GPHN: variants seen among roughly 807,000 people sequenced by gnomAD.
The protein encoded by GPHN is gephyrin.
Under a neutral mutation model 95.5 loss-of-function variants are expected in GPHN, and 17 were observed. The observed-to-expected ratio is 0.18, with a 90% CI of 0.12 to 0.27. The LOEUF is 0.27. GPHN is among the 10% of genes least tolerant of loss of function. The pLI is 1.00. For missense variants in GPHN, 660 were observed against 978.1 expected, an observed-to-expected ratio of 0.67 and a Z score of 4.34; for synonymous variants, 320 against 322.5, an observed-to-expected ratio of 0.99 and a Z score of 0.08.
the GPHN span, among the ~76,000 whole-genome samples, chr14:67,584,484 G>A: frequency 6.6e-6 from 1 of 152,186 alleles, no homozygotes; most frequent in African/African-American, 2.4e-5. Context: ...TGGCATACAG[G>A]GGAATCAAAT....
the GPHN span, among the ~76,000 whole-genome samples, chr14:67,379,808 C>T: frequency 2.0e-5 from 3 of 150,770 alleles, no homozygotes; most frequent in Non-Finnish European, 4.4e-5. Context: ...GCGCCCGCCA[C>T]TACGCCCGGC....
At chr14:66,806,628 T>G (rs1404452862) in intron 3 of GPHN, among the ~76,000 whole-genome samples, 1 of 152,174 alleles carries the variant, frequency 6.6e-6, no homozygotes, top group African/African-American at 2.4e-5. Flanking sequence ...ATCATCTCTC[T>G]CAAGTTCAAA....
chr14:67,281,785 A>T, the GPHN span, among the ~76,000 whole-genome samples: 2 of 151,462 alleles, frequency 1.3e-5, no homozygotes, highest in East Asian at 3.9e-4. Context: ...GCCTAAGCAC[A>T]CAAAATTGGA....
the GPHN span, chr14:67,571,871 C>A: frequency 6.2e-7 from 1 of 1,612,910 alleles, no homozygotes; most frequent in Non-Finnish European, 8.5e-7. Flanking sequence ...GGAAGACCAG[C>A]GGACTAGGCA....
chr14:67,085,624 T>A (rs879458257), intron 11 of GPHN, among the ~76,000 whole-genome samples: 1 of 152,226 alleles, frequency 6.6e-6, no homozygotes, highest in African/African-American at 2.4e-5. Flanking sequence ...GGTGTAAAAG[T>A]GACTATACTA....
At chr14:67,056,898 G>A (rs1001994301) in intron 10 of GPHN, among the ~76,000 whole-genome samples, 7 of 152,196 alleles carry the variant, frequency 4.6e-5, no homozygotes, top group South Asian at 2.1e-4. Context: ...GAATTCGAGC[G>A]GGCGCTCGCG....
the GPHN span, among the ~76,000 whole-genome samples, chr14:67,331,882 G>A: frequency 6.6e-6 from 1 of 151,182 alleles, no homozygotes; most frequent in East Asian, 2.0e-4. Flanking sequence ...TAGATTCCCT[G>A]CTGGGAACAA....
At chr14:66,566,331 T>G (rs1156657728) in intron 1 of GPHN, among the ~76,000 whole-genome samples, 1 of 152,164 alleles carries the variant, frequency 6.6e-6, no homozygotes, top group Admixed American at 6.6e-5. Flanking sequence ...GATGTTTCCT[T>G]TAATCAAATA....
chr14:67,232,216 C>T, the GPHN span, among the ~76,000 whole-genome samples: 1 of 152,122 alleles, frequency 6.6e-6, no homozygotes, highest in African/African-American at 2.4e-5. Flanking sequence ...GTCTTTGTTG[C>T]TCCCTCTCTT....
chr14:67,207,173 T>C, the GPHN span, among the ~76,000 whole-genome samples: 5 of 152,104 alleles, frequency 3.3e-5, no homozygotes, highest in Admixed American at 3.3e-4. Context: ...TAAAGAAATA[T>C]CTGAGGCTGG....
At chr14:66,620,121 G>A (rs1255788887) in intron 1 of GPHN, among the ~76,000 whole-genome samples, 1 of 152,086 alleles carries the variant, frequency 6.6e-6, no homozygotes, top group Non-Finnish European at 1.5e-5. Flanking sequence ...AATGGTTCTC[G>A]GTTGTTGTTC....
At chr14:66,606,579 T>G (rs1304503525) in intron 1 of GPHN, among the ~76,000 whole-genome samples, 1 of 152,242 alleles carries the variant, frequency 6.6e-6, no homozygotes, top group African/African-American at 2.4e-5. Context: ...ATGGCCATTT[T>G]AACAATATTG....
intron 8 of GPHN, among the ~76,000 whole-genome samples, chr14:66,943,764 G>C (rs1285856414): frequency 6.6e-6 from 1 of 152,010 alleles, no homozygotes; most frequent in Non-Finnish European, 1.5e-5. Flanking sequence ...TAACTAAACA[G>C]ACAGGCAAAA....
intron 4 of GPHN, among the ~76,000 whole-genome samples, chr14:66,851,427 A>T (rs984871119): frequency 6.6e-6 from 1 of 152,054 alleles, no homozygotes; most frequent in African/African-American, 2.4e-5. Flanking sequence ...CGAACTTTGT[A>T]TAAGTGGAAC....
intron 1 of GPHN, among the ~76,000 whole-genome samples, chr14:66,622,588 A>G (rs2063353797): frequency 6.6e-6 from 1 of 152,178 alleles, no homozygotes; most frequent in South Asian, 2.1e-4. Context: ...TGCCTTTAAC[A>G]GCACCCAAGT....
At chr14:66,612,223 TC>T (rs1221806549) in intron 1 of GPHN, among the ~76,000 whole-genome samples, 7 of 152,030 alleles carry the variant, frequency 4.6e-5, no homozygotes, top group African/African-American at 7.2e-5. Context: ...CACTTGTTTT[TC>T]TTTGCTTTTA....
At chr14:67,546,548 G>A in the GPHN span, among the ~76,000 whole-genome samples, 1 of 152,024 alleles carries the variant, frequency 6.6e-6, no homozygotes. Context: ...GCGCCACCAC[G>A]CCCAGCTAAT....
At chr14:67,724,126 G>A in the GPHN span, among the ~76,000 whole-genome samples, 4 of 152,236 alleles carry the variant, frequency 2.6e-5, no homozygotes, top group African/African-American at 9.6e-5. Context: ...ATGTAGGTTA[G>A]AGGGGAAAGC....
At chr14:66,605,875 G>A (rs901344341) in intron 1 of GPHN, among the ~76,000 whole-genome samples, 7 of 151,892 alleles carry the variant, frequency 4.6e-5, no homozygotes, top group African/African-American at 1.7e-4. Context: ...GTTGATTTAA[G>A]TTTCTTATAG....
Sources: gnomAD v4.1 joint callset for allele counts (sites outside exome capture counted in the v4.1 genomes callset) on GRCh38, gnomAD v4.1.1 for gene constraint, MANE v1.5 for transcripts, NCBI Gene and HGNC (gene_info 2026-07-23, HGNC 2026-07-21) for gene names.